The following CDH2 variants were observed in gnomAD, a reference collection of about 807,000 sequenced individuals.
The protein encoded by CDH2 is cadherin 2, also known as cadherin-2.
Under a neutral mutation model 92.0 loss-of-function variants are expected in CDH2, and 17 were observed. The ratio of observed to expected loss-of-function variants is 0.18; its 90% CI spans 0.13 to 0.28. The LOEUF is 0.28. Among genes scored for constraint, CDH2 ranks in the 10% least tolerant of loss-of-function variants. The probability of loss-of-function intolerance (pLI) is 1.00; values close to 1 mark genes in which losing one functional copy is unlikely to be tolerated. For synonymous variants in CDH2, 419 were observed against 415.9 expected, an observed-to-expected ratio of 1.01 and a Z score of -0.09; for missense variants, 862 against 1,133.1, an observed-to-expected ratio of 0.76 and a Z score of 3.44.
chr18:27,938,043 C>T (rs1598974983), intron 6 of CDH2, among the ~76,000 whole-genome samples: 1 of 152,068 alleles, frequency 6.6e-6, no homozygotes, highest in Non-Finnish European at 1.5e-5. Flanking sequence ...TTAACATCAC[C>T]TCCCTTTTTG....
intron 2 of CDH2, among the ~76,000 whole-genome samples, chr18:28,079,727 A>AC (rs1874314451): frequency 6.6e-6 from 1 of 152,180 alleles, no homozygotes; most frequent in Non-Finnish European, 1.5e-5. Context: ...CTGTCCTAAA[A>AC]CCACGGAACT....
chr18:27,973,225 T>TAA (rs11452178), intron 14 of CDH2, among the ~76,000 whole-genome samples: 3 of 151,756 alleles, frequency 2.0e-5, no homozygotes, highest in Admixed American at 6.6e-5. Flanking sequence ...ACAACTCACA[T>TAA]AAAAAAATCA....
At chr18:28,022,629 TG>T (rs1418573675) in intron 2 of CDH2, among the ~76,000 whole-genome samples, 1 of 152,154 alleles carries the variant, frequency 6.6e-6, no homozygotes, top group Non-Finnish European at 1.5e-5. Context: ...TTAAAGTTCA[TG>T]GTCCTTCCTT....
Position 28,011,990 on chromosome 18 carries a change from C to T in CDH2, c.402G>A (p.Glu134=). 2.5e-6 allele frequency: 4 copies of T among 1,613,036 alleles called. No homozygotes were observed. The highest frequency in any genetic ancestry group is 3.4e-6 in the Non-Finnish European group (4 of 1,179,374). The part of the protein sequence containing the change: ...KPTLTEESVK[E]SAEVEEIVFP... ...ACACTATTTCTTCAACTTCTGCTGA[C>T]TCCTTTACATTAAAATAGAAGACAT... is the stretch of plus-strand genomic sequence containing the variant. Residue 134 remains glutamate, a splice_region_variant and synonymous_variant, in exon 4 of 16, where the codon GAG becomes GAA. Transcript: ENST00000269141.
intron 2 of CDH2, chr18:28,045,436 C>T (rs2144115684): frequency 4.3e-6 from 2 of 468,156 alleles, no homozygotes. Context: ...ACATGTCCTT[C>T]AACAATGTGG....
At chr18:28,130,959 G>A (rs749291850) in intron 2 of CDH2, among the ~76,000 whole-genome samples, 19 of 152,088 alleles carry the variant, frequency 1.2e-4, no homozygotes, top group South Asian at 2.1e-4. Context: ...GGACACGCAC[G>A]CTAATCCATT....
intron 2 of CDH2, among the ~76,000 whole-genome samples, chr18:28,030,639 A>G (rs1015757029): frequency 3.4e-4 from 51 of 152,116 alleles, no homozygotes; most frequent in African/African-American, 1.2e-3. Flanking sequence ...GTAAAGGAAC[A>G]TGAAGGTGAC....
intron 2 of CDH2, among the ~76,000 whole-genome samples, chr18:28,132,927 C>T (rs1362951692): frequency 6.6e-6 from 1 of 152,226 alleles, no homozygotes; most frequent in Non-Finnish European, 1.5e-5. Context: ...ATCCTCAAGA[C>T]TTAGTCTCAC....
At chr18:28,069,789 TTC>T (rs1213602482) in intron 2 of CDH2, among the ~76,000 whole-genome samples, 8 of 152,080 alleles carry the variant, frequency 5.3e-5, no homozygotes, top group Non-Finnish European at 1.0e-4. Context: ...CTGAGCTGCA[TTC>T]AGAGCTGACA....
intron 2 of CDH2, among the ~76,000 whole-genome samples, chr18:28,071,662 C>T (rs994878927): frequency 1.3e-5 from 2 of 152,184 alleles, no homozygotes; most frequent in Non-Finnish European, 2.9e-5. Context: ...TTTTCTTAAT[C>T]AGCAACCCAG....
chr18:27,989,703 T>C (rs1259584331), intron 10 of CDH2, among the ~76,000 whole-genome samples: 2 of 152,186 alleles, frequency 1.3e-5, no homozygotes, highest in South Asian at 2.1e-4. Context: ...ATCCTGGTTT[T>C]GGCATAAGCT....
intron 2 of CDH2, chr18:28,146,497 AT>A (rs2016036849): frequency 6.6e-6 from 1 of 152,118 alleles, no homozygotes; most frequent in African/African-American, 2.4e-5. Flanking sequence ...ACATTCACCC[AT>A]TAAAATACCA....
At chr18:28,008,810 G>C (rs2013016377) in intron 5 of CDH2, among the ~76,000 whole-genome samples, 2 of 152,004 alleles carry the variant, frequency 1.3e-5, no homozygotes, top group Admixed American at 1.3e-4. Flanking sequence ...TTCAACAAAT[G>C]TATCAGTGGG....
chr18:28,138,189 T>C (rs879699393), intron 2 of CDH2, among the ~76,000 whole-genome samples: 7 of 151,954 alleles, frequency 4.6e-5, no homozygotes, highest in Non-Finnish European at 1.0e-4. Flanking sequence ...CGTGATTGGG[T>C]TGTCAGTGGG....
At chr18:28,019,130 T>C (rs1255814782) in intron 2 of CDH2, among the ~76,000 whole-genome samples, 1 of 151,782 alleles carries the variant, frequency 6.6e-6, no homozygotes, top group Non-Finnish European at 1.5e-5. Context: ...CAATGGACTT[T>C]GGAGACTCAG....
intron 7 of CDH2, among the ~76,000 whole-genome samples, chr18:28,002,314 C>A (rs775358729): frequency 2.6e-5 from 4 of 152,146 alleles, no homozygotes; most frequent in Non-Finnish European, 5.9e-5. Context: ...AGATGGCCCA[C>A]TGGGAATTAA....
intron 2 of CDH2, among the ~76,000 whole-genome samples, chr18:28,044,612 A>C (rs142648760): frequency 1.3e-5 from 2 of 152,210 alleles, no homozygotes; most frequent in Non-Finnish European, 2.9e-5. Flanking sequence ...AAGTGCATAC[A>C]TGCCTTGCTT....
At chr18:27,956,744 A>T (rs1043322249) in intron 15 of CDH2, among the ~76,000 whole-genome samples, 11 of 152,204 alleles carry the variant, frequency 7.2e-5, no homozygotes, top group African/African-American at 2.7e-4. Flanking sequence ...TTCCCCCGAC[A>T]ATGGGCAAAA....
intron 7 of CDH2, among the ~76,000 whole-genome samples, chr18:27,995,102 G>C (rs970523880): frequency 6.6e-6 from 1 of 151,906 alleles, no homozygotes; most frequent in Non-Finnish European, 1.5e-5. Flanking sequence ...CATGAGGTCA[G>C]GAGTTCAAGA....
Sources: gnomAD v4.1 joint callset for allele counts (sites outside exome capture counted in the v4.1 genomes callset) on GRCh38, gnomAD v4.1.1 for gene constraint, MANE v1.5 for transcripts, NCBI Gene and HGNC (gene_info 2026-07-23, HGNC 2026-07-21) for gene names.